The following ARHGAP28 variants were observed in gnomAD, a reference collection of about 807,000 sequenced individuals.
ARHGAP28 encodes Rho GTPase activating protein 28.
A neutral mutation model predicts 90.7 loss-of-function variants in ARHGAP28; 56 were observed. The ratio of observed to expected loss-of-function variants is 0.62; its 90% CI spans 0.50 to 0.77. The LOEUF is 0.77. Ranked by LOEUF, ARHGAP28 falls within the 30% of genes least tolerant of loss-of-function variation. The probability of loss-of-function intolerance (pLI) is 0.00; values close to 1 mark genes in which losing one functional copy is unlikely to be tolerated. For missense variants in ARHGAP28, 869 were observed against 900.9 expected (o/e 0.96, Z 0.45); for synonymous variants, 308 against 323.3 (o/e 0.95, Z 0.51).
At chr18:6,865,710 T>A (rs898463720) in intron 5 of ARHGAP28, among the ~76,000 whole-genome samples, 1 of 152,174 alleles carries the variant, frequency 6.6e-6, no homozygotes, top group Non-Finnish European at 1.5e-5. Context: ...TTAGTCAAAG[T>A]CTAGGAGAAA....
At chr18:6,807,362 G>A (rs761022986) in intron 1 of ARHGAP28, among the ~76,000 whole-genome samples, 13 of 151,944 alleles carry the variant, frequency 8.6e-5, no homozygotes, top group African/African-American at 1.4e-4. Context: ...TGCAAGCCTC[G>A]TCATTTTTTA....
intron 1 of ARHGAP28, among the ~76,000 whole-genome samples, chr18:6,753,888 C>G (rs2056089037): frequency 6.6e-6 from 1 of 152,194 alleles, no homozygotes; most frequent in African/African-American, 2.4e-5. Flanking sequence ...AATTGTAAAG[C>G]TGACACACAG....
At chr18:6,889,790 T>G (rs2057249901) in intron 12 of ARHGAP28, 98 bp from the exon 13 acceptor site, 2 of 1,132,974 alleles carry the variant, frequency 1.8e-6, no homozygotes, top group East Asian at 4.8e-5. Flanking sequence ...TTCTGACAGT[T>G]CTCTGGCAGC....
intron 2 of ARHGAP28, among the ~76,000 whole-genome samples, chr18:6,831,578 G>A (rs1391593502): frequency 2.1e-5 from 3 of 143,370 alleles, no homozygotes; most frequent in Middle Eastern, 3.6e-3. Flanking sequence ...CATGCTGGTT[G>A]TATCTTGATG....
chr18:6,831,471 G>GTTT (rs57331018), intron 2 of ARHGAP28, among the ~76,000 whole-genome samples: 121 of 109,186 alleles, frequency 1.1e-3, no homozygotes, highest in East Asian at 3.5e-3. Context: ...GTATCTTGAT[G>GTTT]TTTTTTTTTT....
At chr18:6,738,668 C>T (rs1049622525) in intron 1 of ARHGAP28, among the ~76,000 whole-genome samples, 2 of 152,094 alleles carry the variant, frequency 1.3e-5, no homozygotes, top group Non-Finnish European at 2.9e-5. Context: ...TCCACTTTTC[C>T]TCTCACCCTC....
chr18:6,911,450 C>CTTTT (rs10678754), intron 17 of ARHGAP28, among the ~76,000 whole-genome samples: 2 of 151,386 alleles, frequency 1.3e-5, no homozygotes, highest in African/African-American at 4.9e-5. Flanking sequence ...CTTTTCTTTT[C>CTTTT]TTTGAGACGG....
intron 16 of ARHGAP28, among the ~76,000 whole-genome samples, chr18:6,905,246 A>G (rs71360053): frequency 0.038 from 5,722 of 152,282 alleles, 159 homozygotes; most frequent in Middle Eastern, 0.071. Flanking sequence ...TTTTTCAGGC[A>G]TGCAAGGTTG....
Position 6,882,188 on chromosome 18 carries a change from G to T in ARHGAP28, c.1342G>T (p.Asp448Tyr). The T allele has an allele frequency of 1.2e-6, 2 of 1,613,968 alleles. No homozygotes were observed. The highest frequency in any genetic ancestry group is 1.7e-6 in the Non-Finnish European group (2 of 1,179,930). The change falls in exon 11 of 18, where the codon GAC (aspartate) becomes TAC (tyrosine). Residue 448 changes from aspartate to tyrosine, a missense_variant. Coordinates refer to ENST00000383472, the MANE Select transcript of ARHGAP28 (RefSeq NM_001366230.1). ...GTTTAATGCTGATAAATTTAAATGG[G>T]ACAAAATGTGCCATAGAGAAGCTGC... ...AKFNADKFKW[D>Y]KMCHREAAVM...
At chr18:6,862,201 C>A (rs1373465840) in intron 5 of ARHGAP28, among the ~76,000 whole-genome samples, 1 of 152,092 alleles carries the variant, frequency 6.6e-6, no homozygotes, top group African/African-American at 2.4e-5. Flanking sequence ...TATAAGGAAC[C>A]ACAGGGACCC....
At chr18:6,898,615 G>A (rs746430834) in intron 16 of ARHGAP28, 7 of 1,576,032 alleles carry the variant, frequency 4.4e-6, no homozygotes, top group South Asian at 3.6e-5. Flanking sequence ...AAGGGATTTG[G>A]GTATCCAGTA....
chr18:6,854,628 A>AGC lies in ARHGAP28; in HGVS notation c.636+3502_636+3503insGC, dbSNP rs1210440433. Among the ~76,000 whole-genome samples, 313 of 152,270 alleles carry AGC rather than the reference A, an allele frequency of 2.1e-3. 1 individual carries two copies. The highest frequency in any genetic ancestry group is 7.1e-3 in the African/African-American group (297 of 41,568). On this transcript the variant is annotated intron_variant, in intron 4 of 17. Coordinates refer to ENST00000383472, the MANE Select transcript of ARHGAP28 (RefSeq NM_001366230.1). The stretch of plus-strand genomic sequence containing the variant: ...CCTCTGTGAAGACGCCGGCTACAGC[A>AGC]AGGGAGGTGCAGCCAGGGTTGTGCC...
Position 6,867,075 on chromosome 18 carries a change from G to A in ARHGAP28, c.727-1075G>A, listed in dbSNP as rs556374121. Among the ~76,000 whole-genome samples, 8 of 151,982 alleles carry A rather than the reference G, an allele frequency of 5.3e-5. No homozygotes were observed. In the East Asian group the frequency reaches 9.7e-4, roughly 18 times the overall value. The stretch of plus-strand genomic sequence containing the variant: ...CCTACATGACCCTAGACCTTTTTTC[G>A]GTTTGTCATTCTTCCACCAATTACA... On this transcript the variant is annotated intron_variant, in intron 5 of 17. Coordinates refer to ENST00000383472, the MANE Select transcript of ARHGAP28 (RefSeq NM_001366230.1).
chr18:6,890,310 C>T (rs546245572), intron 13 of ARHGAP28, 120 bp from the exon 14 acceptor site: 775 of 755,766 alleles, frequency 1.0e-3, no homozygotes, highest in Non-Finnish European at 1.6e-3. Flanking sequence ...AGGACAATGC[C>T]ACCATTCCTG....
At chr18:6,878,147 A>T (rs1192277978) in intron 10 of ARHGAP28, among the ~76,000 whole-genome samples, 1 of 152,114 alleles carries the variant, frequency 6.6e-6, no homozygotes, top group Non-Finnish European at 1.5e-5. Flanking sequence ...CATATACACC[A>T]TGGAATACTA....
chr18:6,908,651 T>C (rs2057377454), intron 16 of ARHGAP28, among the ~76,000 whole-genome samples: 1 of 152,212 alleles, frequency 6.6e-6, no homozygotes. Flanking sequence ...GTGTCCAGCC[T>C]TGATGTGTCA....
At position 6,828,556 on chromosome 18, in the gene ARHGAP28, G is replaced by T. The variant is rs548257271; in HGVS notation, c.325+3592G>T. Among the ~76,000 whole-genome samples the T allele has an allele frequency of 3.9e-5, 6 of 152,160 alleles. 1 individual carries two copies. The highest frequency in any genetic ancestry group is 8.8e-5 in the Non-Finnish European group (6 of 68,038). ...TCTTCTAGCATTTTTATAGTTTGAG[G>T]TCTTACATTTAAATCTTTAATCCAT... On this transcript the variant is annotated intron_variant, in intron 2 of 17. Transcript: ENST00000383472.
chr18:6,744,670 A>G (rs1037883736), intron 1 of ARHGAP28, among the ~76,000 whole-genome samples: 1 of 152,154 alleles, frequency 6.6e-6, no homozygotes, highest in Non-Finnish European at 1.5e-5. Context: ...AGCTTGGTTT[A>G]TTTCAACTAA....
At chr18:6,825,917 A>AC (rs2056658869) in intron 2 of ARHGAP28, among the ~76,000 whole-genome samples, 1 of 152,190 alleles carries the variant, frequency 6.6e-6, no homozygotes, top group African/African-American at 2.4e-5. Context: ...CGATGAACAT[A>AC]CAAGTGCATG....
Sources: gnomAD v4.1 joint callset for allele counts (sites outside exome capture counted in the v4.1 genomes callset) on GRCh38, gnomAD v4.1.1 for gene constraint, MANE v1.5 for transcripts, NCBI Gene and HGNC (gene_info 2026-07-23, HGNC 2026-07-21) for gene names.